RBFOX1: variants seen among roughly 807,000 people sequenced by gnomAD.
RBFOX1 encodes the protein RNA binding protein fox-1 homolog 1.
In RBFOX1, 8 loss-of-function variants were observed where a neutral mutation model predicts 57.7. That is an observed-to-expected ratio of 0.14 (90% CI 0.08 to 0.25). RBFOX1 has a LOEUF of 0.25. Ranked by LOEUF, RBFOX1 falls within the 10% of genes least tolerant of loss-of-function variation. The probability of loss-of-function intolerance (pLI) is 1.00; values close to 1 mark genes in which losing one functional copy is unlikely to be tolerated. For missense variants in RBFOX1, 611 were observed against 548.5 expected, an observed-to-expected ratio of 1.11 and a Z score of -1.14; for synonymous variants, 326 against 222.4, an observed-to-expected ratio of 1.47 and a Z score of -4.15.
At chr16:7,699,300 T>TC (rs1463831623) in intron 14 of RBFOX1, among the ~76,000 whole-genome samples, 8 of 151,972 alleles carry the variant, frequency 5.3e-5, no homozygotes, top group Non-Finnish European at 1.0e-4. Context: ...CTAGCGATCC[T>TC]CCCACTTCAC....
chr16:7,054,847 C>T (rs1055970132), intron 4 of RBFOX1, among the ~76,000 whole-genome samples: 1 of 152,142 alleles, frequency 6.6e-6, no homozygotes, highest in African/African-American at 2.4e-5. Flanking sequence ...TGTCAGAATT[C>T]AGGGATATAA....
At chr16:5,383,659 A>G (rs1205261113) in intron 1 of RBFOX1, among the ~76,000 whole-genome samples, 1 of 152,206 alleles carries the variant, frequency 6.6e-6, no homozygotes, top group Non-Finnish European at 1.5e-5. Flanking sequence ...TTAGAAGTTG[A>G]ATTTCATTGC....
At chr16:6,111,507 A>G (rs1356411075) in intron 1 of RBFOX1, among the ~76,000 whole-genome samples, 1 of 152,210 alleles carries the variant, frequency 6.6e-6, no homozygotes, top group Non-Finnish European at 1.5e-5. Context: ...TGAATTTCTT[A>G]AAAGGATATT....
intron 4 of RBFOX1, among the ~76,000 whole-genome samples, chr16:7,321,077 GTATACA>G (rs368597309): frequency 0.072 from 10,234 of 142,642 alleles, 450 homozygotes; most frequent in African/African-American, 0.12. Flanking sequence ...CTATCTATAC[GTATACA>G]TATACATATA....
At chr16:5,310,150 G>C (rs2064046238) in intron 1 of RBFOX1, among the ~76,000 whole-genome samples, 1 of 152,324 alleles carries the variant, frequency 6.6e-6, no homozygotes, top group Non-Finnish European at 1.5e-5. Context: ...TTTGATCCCA[G>C]CACTTTGGGA....
intron 2 of RBFOX1, among the ~76,000 whole-genome samples, chr16:6,451,902 A>C (rs996117202): frequency 1.4e-5 from 2 of 148,038 alleles, no homozygotes; most frequent in Non-Finnish European, 1.5e-5. Context: ...ACTCCCTCCC[A>C]TGACTCCATC....
rs190760285 is a variant in RBFOX1 at position 5,946,305 on chromosome 16, T to A, written c.351+78970T>A. On this transcript the variant is annotated intron_variant, in intron 4 of 19. Coordinates refer to the RBFOX1 transcript ENST00000641259. The surrounding 1 kb of genome is among the most constrained non-coding windows in gnomAD (Gnocchi z 4.6). ...CATAGGACCTCCCTCATAGGGTTATTTGAGGCTCAGACTAAATGGATGTGA... is the reference window on the plus strand; with the variant it reads ...CATAGGACCTCCCTCATAGGGTTATATGAGGCTCAGACTAAATGGATGTGA... Among the ~76,000 whole-genome samples, 13 of 152,308 alleles carry A rather than the reference T, an allele frequency of 8.5e-5. No individual in the cohort carries two copies. The highest frequency in any genetic ancestry group is 1.3e-4 in the Non-Finnish European group (9 of 68,022).
At chr16:7,274,120 T>C (rs1401847585) in intron 4 of RBFOX1, among the ~76,000 whole-genome samples, 1 of 152,228 alleles carries the variant, frequency 6.6e-6, no homozygotes, top group Admixed American at 6.5e-5. Context: ...CCAATTGAGA[T>C]ATTTGTTTAT....
intron 4 of RBFOX1, among the ~76,000 whole-genome samples, chr16:7,097,549 G>T (rs1368040498): frequency 1.3e-5 from 2 of 152,106 alleles, no homozygotes; most frequent in African/African-American, 4.8e-5. Context: ...TTTCTTTCTA[G>T]GATTTTAAGC....
At chr16:6,056,626 G>C (rs2095617965) in intron 1 of RBFOX1, among the ~76,000 whole-genome samples, 1 of 152,194 alleles carries the variant, frequency 6.6e-6, no homozygotes, top group Non-Finnish European at 1.5e-5. Flanking sequence ...GTTACCAGGA[G>C]AGGAGACTGG....
chr16:7,250,258 G>A (rs2094456915), intron 4 of RBFOX1, among the ~76,000 whole-genome samples: 1 of 152,180 alleles, frequency 6.6e-6, no homozygotes, highest in Non-Finnish European at 1.5e-5. Context: ...TTAGCCATTA[G>A]GTGAAAAATA....
chr16:5,721,902 A>G (rs1242578772), intron 3 of RBFOX1, among the ~76,000 whole-genome samples: 1 of 152,228 alleles, frequency 6.6e-6, no homozygotes, highest in African/African-American at 2.4e-5. Flanking sequence ...ATATGTGGAA[A>G]GACAAACACA....
At chr16:7,573,650 A>G (rs3826216) in intron 5 of RBFOX1, among the ~76,000 whole-genome samples, 39,969 of 152,034 alleles carry the variant, frequency 0.26, 6,227 homozygotes, top group Non-Finnish European at 0.34. Flanking sequence ...CCTGGCCAAC[A>G]TTGTGAAACC....
Position 6,856,091 on chromosome 16 carries a change from CCTTCCCTTCCCTTCCCTTT to C in RBFOX1, c.-15-195957_-15-195939del, listed in dbSNP as rs530153910. Among the ~76,000 whole-genome samples the C allele has an allele frequency of 3.9e-4, 58 of 150,592 alleles. No individual in the cohort carries two copies. In the East Asian group the frequency reaches 0.011, roughly 28 times the overall value. ...ACCTCAGTGAAGATGAAATGAAGACCCTTCCCTTCCCTTCCCTTTCTTCCCTTTCCTTCCCTTCCCTTTA... is the reference window on the plus strand; with the variant it reads ...ACCTCAGTGAAGATGAAATGAAGACCCTTCCCTTTCCTTCCCTTCCCTTTA... On this transcript the variant is annotated intron_variant, in intron 3 of 15. Coordinates refer to ENST00000550418, the MANE Select transcript of RBFOX1 (RefSeq NM_018723.4).
intron 14 of RBFOX1, among the ~76,000 whole-genome samples, chr16:7,703,956 G>A (rs924400760): frequency 6.6e-6 from 1 of 152,206 alleles, no homozygotes; most frequent in African/African-American, 2.4e-5. Context: ...ATTGGTTTGT[G>A]AAATACAATC....
chr16:6,574,012 G>C (rs576441806), intron 2 of RBFOX1: 2 of 152,440 alleles, frequency 1.3e-5, no homozygotes, highest in East Asian at 1.9e-4. Context: ...GAGGCAGCCA[G>C]CTTCACTGTC....
In RBFOX1 at chr16:5,338,839, T is replaced by G. The variant is rs76176823; in HGVS notation, c.219+98734T>G. 7.7e-3 allele frequency among the ~76,000 whole-genome samples: 1,177 copies of G among 152,200 alleles called. 11 individuals carry two copies. The highest frequency in any genetic ancestry group is 0.027 in the African/African-American group (1,122 of 41,514). On this transcript the variant is annotated intron_variant, in intron 1 of 2. Transcript: ENST00000585867. The stretch of plus-strand genomic sequence containing the variant: ...ACCTGCCTATTTTTTTTGTATAGGT[T>G]GGGGTCTTACTATGTTTCCCAGGCT...
chr16:6,553,062 C>G lies in RBFOX1; in HGVS notation c.-63-101541C>G, dbSNP rs566270232. Among the ~76,000 whole-genome samples the G allele has an allele frequency of 3.9e-5, 6 of 152,250 alleles. No homozygotes were observed. In the South Asian group the frequency reaches 6.2e-4, roughly 16 times the overall value. ...TTTGACACTTCAGTGGCAGCAACTT[C>G]CAGTTACAGCCAGAGTCTCAGTATG... On this transcript the variant is annotated intron_variant, in intron 2 of 15. Coordinates refer to ENST00000550418, the MANE Select transcript of RBFOX1 (RefSeq NM_018723.4).
intron 2 of RBFOX1, among the ~76,000 whole-genome samples, chr16:6,638,731 G>T (rs2098463875): frequency 6.6e-6 from 1 of 152,094 alleles, no homozygotes; most frequent in Admixed American, 6.6e-5. Context: ...AAATTGAGAG[G>T]AAAAACAAAA....
Sources: allele counts gnomAD v4.1 joint callset (sites outside exome capture counted in the v4.1 genomes callset), GRCh38; gene constraint gnomAD v4.1.1; non-coding constraint Gnocchi (gnomAD v3.1); transcripts MANE v1.5; gene names NCBI Gene and HGNC (gene_info 2026-07-23, HGNC 2026-07-21).